Variants in NAV3 observed in about 807,000 individuals in gnomAD.
NAV3 encodes the protein neuron navigator 3.
A neutral mutation model predicts 244.7 loss-of-function variants in NAV3; 87 were observed. The ratio of observed to expected loss-of-function variants is 0.36; its 90% CI spans 0.30 to 0.42. NAV3 has a LOEUF of 0.42. Among genes scored for constraint, NAV3 ranks in the 20% least tolerant of loss-of-function variants. The pLI is 1.00. For missense variants in NAV3, 2,663 were observed against 2,893.3 expected, an observed-to-expected ratio of 0.92 and a Z score of 1.83; for synonymous variants, 1,126 against 1,042.2, an observed-to-expected ratio of 1.08 and a Z score of -1.55.
At chr12:77,979,697 AC>A (rs780515956) in intron 5 of NAV3, among the ~76,000 whole-genome samples, 14,523 of 134,248 alleles carry the variant, frequency 0.11, 924 homozygotes, top group South Asian at 0.15. Context: ...AAGATGTGAA[AC>A]GAAAAAAAAA....
At chr12:78,024,713 C>T (rs1316552054) in intron 9 of NAV3, among the ~76,000 whole-genome samples, 2 of 152,146 alleles carry the variant, frequency 1.3e-5, no homozygotes, top group African/African-American at 4.8e-5. Context: ...TGCGGTGTCT[C>T]ACACCTGTAA....
rs558184412 is a variant in NAV3 at position 77,759,856 on chromosome 12, C to T, written c.73-180463C>T. 4.7e-4 allele frequency among the ~76,000 whole-genome samples: 72 copies of T among 152,150 alleles called. 3 individuals are homozygous for T. In the South Asian group the frequency reaches 0.014, roughly 30 times the overall value. The stretch of plus-strand genomic sequence containing the variant: ...AAATTAGTTGACCTGCCCCTTATTG[C>T]TGTTTTCTGGATTCTGAAGATCTGT... On this transcript the variant is annotated intron_variant, in intron 2 of 8. Coordinates refer to the NAV3 transcript ENST00000550042.
chr12:77,789,816 GAAA>G (rs57070028), intron 2 of NAV3, among the ~76,000 whole-genome samples: 2 of 75,660 alleles, frequency 2.6e-5, no homozygotes, highest in African/African-American at 4.8e-5. Flanking sequence ...GTCTCGAAAA[GAAA>G]AAAAAAAAAA....
chr12:77,595,160 G>T (rs1459788852), intron 2 of NAV3, among the ~76,000 whole-genome samples: 1 of 151,992 alleles, frequency 6.6e-6, no homozygotes, highest in Non-Finnish European at 1.5e-5. Context: ...TAACCCAAGT[G>T]TTCATTGATG....
intron 9 of NAV3, among the ~76,000 whole-genome samples, chr12:78,038,855 A>C (rs1880370939): frequency 6.6e-6 from 1 of 152,148 alleles, no homozygotes; most frequent in Non-Finnish European, 1.5e-5. Context: ...ATATGAACAG[A>C]GTGCAGTCCC....
intron 12 of NAV3, among the ~76,000 whole-genome samples, chr12:78,099,829 C>T (rs567955219): frequency 6.6e-6 from 1 of 152,030 alleles, no homozygotes; most frequent in Admixed American, 6.6e-5. Flanking sequence ...TACTCTCCTT[C>T]AGATATCATT....
chr12:77,647,456 T>G (rs1362271894), intron 2 of NAV3, among the ~76,000 whole-genome samples: 1 of 152,064 alleles, frequency 6.6e-6, no homozygotes, highest in East Asian at 1.9e-4. Flanking sequence ...AGCATGCTTT[T>G]TTTTTGTTTT....
chr12:77,888,663 G>T (rs1382278265), intron 1 of NAV3, among the ~76,000 whole-genome samples: 1 of 152,036 alleles, frequency 6.6e-6, no homozygotes, highest in Non-Finnish European at 1.5e-5. Flanking sequence ...GTCAATTCCT[G>T]GTTGAATTAT....
chr12:77,730,094 C>A (rs1242268503), intron 2 of NAV3, among the ~76,000 whole-genome samples: 1 of 151,972 alleles, frequency 6.6e-6, no homozygotes, highest in Non-Finnish European at 1.5e-5. Flanking sequence ...TACTTAGTAA[C>A]ACAAACCTCA....
At chr12:78,182,279 A>G (rs1177314108) in intron 30 of NAV3, among the ~76,000 whole-genome samples, 1 of 152,050 alleles carries the variant, frequency 6.6e-6, no homozygotes, top group African/African-American at 2.4e-5. Context: ...GTTTAAATGT[A>G]TAGAATCTGG....
chr12:77,655,720 C>T (rs1032089847), intron 2 of NAV3, among the ~76,000 whole-genome samples: 4 of 152,074 alleles, frequency 2.6e-5, no homozygotes, highest in African/African-American at 9.7e-5. Context: ...GGTCGGGTTA[C>T]CCACAAAAGG....
Position 77,805,527 on chromosome 12 carries a change from G to A in NAV3, c.73-134792G>A, listed in dbSNP as rs138274232. Reference sequence around the variant, plus strand: ...TCCCAGGGATGAAACCGACTTGATCGTGGTGAATAAGCTTTTTGATGTGCT... The same window carrying A: ...TCCCAGGGATGAAACCGACTTGATCATGGTGAATAAGCTTTTTGATGTGCT... On this transcript the variant is annotated intron_variant, in intron 2 of 8. Transcript: ENST00000550042. 7.7e-3 allele frequency among the ~76,000 whole-genome samples: 1,176 copies of A among 152,262 alleles called. 14 individuals carry two copies. The highest frequency in any genetic ancestry group is 0.012 in the Non-Finnish European group (806 of 68,006).
intron 12 of NAV3, among the ~76,000 whole-genome samples, chr12:78,115,315 C>T (rs1593643177): frequency 6.6e-6 from 1 of 152,162 alleles, no homozygotes; most frequent in East Asian, 1.9e-4. Context: ...CAGTGCCCCA[C>T]TCCTGGCACC....
chr12:78,103,601 CA>C (rs1279209564), intron 12 of NAV3, among the ~76,000 whole-genome samples: 1 of 152,130 alleles, frequency 6.6e-6, no homozygotes, highest in Non-Finnish European at 1.5e-5. Flanking sequence ...AAGACATACC[CA>C]AGACTGGAAA....
intron 5 of NAV3, among the ~76,000 whole-genome samples, chr12:77,984,211 T>G (rs758263350): frequency 6.6e-6 from 1 of 152,176 alleles, no homozygotes; most frequent in Non-Finnish European, 1.5e-5. Flanking sequence ...TAAGACCTAA[T>G]TGTATTTGAT....
intron 2 of NAV3, among the ~76,000 whole-genome samples, chr12:77,741,289 A>C (rs539141403): frequency 6.6e-6 from 1 of 152,226 alleles, no homozygotes; most frequent in African/African-American, 2.4e-5. Flanking sequence ...CATTTTTAAA[A>C]AACTTATTCT....
intron 2 of NAV3, among the ~76,000 whole-genome samples, chr12:77,819,049 CTTCT>C (rs10568022): frequency 0.67 from 100,942 of 151,242 alleles, 33,840 homozygotes; most frequent in African/African-American, 0.73. Flanking sequence ...GCTATGCAAA[CTTCT>C]TTCTTTAATA....
At chr12:77,804,101 T>TTTTTG (rs1259392560) in intron 2 of NAV3, among the ~76,000 whole-genome samples, 1 of 152,148 alleles carries the variant, frequency 6.6e-6, no homozygotes, top group Non-Finnish European at 1.5e-5. Flanking sequence ...TGATGATAGT[T>TTTTTG]TTTTGTTTTG....
At chr12:77,612,786 T>G (rs1041091491) in intron 2 of NAV3, among the ~76,000 whole-genome samples, 1 of 152,126 alleles carries the variant, frequency 6.6e-6, no homozygotes, top group Non-Finnish European at 1.5e-5. Context: ...CCCACCCAAA[T>G]CTCATCTTGA....
Sources: allele counts gnomAD v4.1 joint callset (sites outside exome capture counted in the v4.1 genomes callset), GRCh38; gene constraint gnomAD v4.1.1; transcripts MANE v1.5; gene names NCBI Gene and HGNC (gene_info 2026-07-23, HGNC 2026-07-21).